Variants in RSPH4A observed in about 807,000 individuals in gnomAD.
The protein encoded by RSPH4A is radial spoke head component 4A.
Under a neutral mutation model 71.0 loss-of-function variants are expected in RSPH4A, and 47 were observed. That is an observed-to-expected ratio of 0.66 (90% CI 0.52 to 0.84). The LOEUF is 0.84. RSPH4A is among the 40% of genes least tolerant of loss of function. The probability of loss-of-function intolerance (pLI) is 0.00; values close to 1 mark genes in which losing one functional copy is unlikely to be tolerated. For missense variants in RSPH4A, 793 were observed against 855.2 expected, an observed-to-expected ratio of 0.93 and a Z score of 0.91; for synonymous variants, 282 against 302.3, an observed-to-expected ratio of 0.93 and a Z score of 0.70.
Position 116,628,364 on chromosome 6 carries a change from T to C in RSPH4A, c.1657T>C (p.Ser553Pro). The stretch of plus-strand genomic sequence containing the variant: ...GGTTCATCATGTACAGCATATTCTC[T>C]CTCAGGTAGGAGCTTTGCACTTCTC... ...NWVHHVQHIL[S>P]QGRCNWFNSI... is the part of the protein sequence containing the mutation. Residue 553 changes from serine to proline, a missense_variant, in exon 3 of 6, where the codon TCT (serine) becomes CCT (proline). Coordinates refer to ENST00000229554, the MANE Select transcript of RSPH4A (RefSeq NM_001010892.3). The C allele has an allele frequency of 6.2e-7, 1 of 1,611,236 alleles. No homozygotes were observed. Among genetic ancestry groups the C allele is most frequent in the Non-Finnish European group, 8.5e-7 (1 of 1,177,954 alleles).
chr6:116,623,081 C>A, intron 2 of RSPH4A, 79 bp downstream of exon 2: 2 of 906,844 alleles, frequency 2.2e-6, no homozygotes, highest in South Asian at 1.4e-5. Flanking sequence ...AAATTCATAC[C>A]AACTGTATTT....
rs1390051551 is a variant in RSPH4A at position 116,629,595 on chromosome 6, A to G, written c.1691A>G (p.Gln564Arg). The G allele has an allele frequency of 2.5e-6, 4 of 1,611,096 alleles. No individual in the cohort carries two copies. In the East Asian group the frequency reaches 8.9e-5, roughly 36 times the overall value. ...CGCTGTAATTGGTTCAACTCCATAC[A>G]AAAAAATGAGGAAGAAGAAGAGGAA... The part of the protein sequence containing the change: ...QGRCNWFNSI[Q>R]KNEEEEEEED... Residue 564 changes from glutamine to arginine, a missense_variant, in exon 4 of 6, where the codon CAA (glutamine) becomes CGA (arginine). Physicochemically the swap from Gln to Arg is conservative, Grantham distance 43. Transcript: ENST00000229554.
chr6:116,632,436 G>T lies in RSPH4A; in HGVS notation c.2146G>T (p.Asp716Tyr). 1 of 1,611,226 alleles carries T rather than the reference G, an allele frequency of 6.2e-7. No homozygotes were observed. Among genetic ancestry groups the T allele is most frequent in the South Asian group, 1.1e-5 (1 of 90,344 alleles). ...AGATGAAGATGAGGAAGATGATTAT[G>T]ACTAATAAACATAAAATTAGCCTGG... ...EEDEDEEDDY[D>Y] is the part of the protein sequence containing the mutation. Residue 716 changes from aspartate (D) to tyrosine (Y), a missense_variant, in exon 6 of 6, where the codon GAC (aspartate) becomes TAC (tyrosine). By Grantham distance (160) the Asp-to-Tyr change is radical. Coordinates refer to ENST00000229554, the MANE Select transcript of RSPH4A (RefSeq NM_001010892.3).
In RSPH4A at chr6:116,632,385, G is replaced by A. The variant is rs372304999; in HGVS notation, c.2095G>A (p.Ala699Thr). ...FRAAQEAVLL[A>T]AENEESEEDE... ...GGCTGCACAAGAAGCAGTTCTACTCGCAGCTGAGAATGAAGAATCTGAGGA... is the reference window on the plus strand; with the variant it reads ...GGCTGCACAAGAAGCAGTTCTACTCACAGCTGAGAATGAAGAATCTGAGGA... The change falls in exon 6 of 6, where the codon GCA (alanine) becomes ACA (threonine). Residue 699 changes from alanine (A) to threonine (T), a missense_variant. Ala to Thr is a moderately conservative substitution (Grantham distance 58, BLOSUM62 0). Coordinates refer to ENST00000229554, the MANE Select transcript of RSPH4A (RefSeq NM_001010892.3). The A allele has an allele frequency of 3.7e-5, 60 of 1,613,798 alleles. No individual in the cohort carries two copies. The highest frequency in any genetic ancestry group is 2.0e-4 in the African/African-American group (15 of 74,870).
At chr6:116,626,620 C>T (rs1048681516) in intron 2 of RSPH4A, among the ~76,000 whole-genome samples, 3 of 152,158 alleles carry the variant, frequency 2.0e-5, no homozygotes, top group African/African-American at 7.2e-5. Flanking sequence ...GGATTACAGG[C>T]GTGAGCCACC....
At position 116,622,878 on chromosome 6, in the gene RSPH4A, A is replaced by C; in HGVS notation, c.797A>C (p.Lys266Thr). ...SQDVKMAHFS[K>T]KFDALQNENE... ...GATGTGAAGATGGCACATTTTAGTA[A>C]AAAATTTGATGCACTACAAAATGAG... The change falls in exon 2 of 6, where the codon AAA (lysine) becomes ACA (threonine). Residue 266 changes from lysine to threonine, a missense_variant. Coordinates refer to ENST00000229554, the MANE Select transcript of RSPH4A (RefSeq NM_001010892.3). 1 of 1,613,420 alleles carries C rather than the reference A, an allele frequency of 6.2e-7. No individual in the cohort carries two copies. The highest frequency in any genetic ancestry group is 8.5e-7 in the Non-Finnish European group (1 of 1,179,388).
chr6:116,629,303 T>C (rs2115363994), intron 3 of RSPH4A, among the ~76,000 whole-genome samples: 1 of 152,368 alleles, frequency 6.6e-6, no homozygotes, highest in South Asian at 2.1e-4. Flanking sequence ...ACTAAGGTTC[T>C]GCTAATTTTA....
At chr6:116,617,717 T>C (rs904811293) in intron 1 of RSPH4A, among the ~76,000 whole-genome samples, 1 of 152,154 alleles carries the variant, frequency 6.6e-6, no homozygotes, top group African/African-American at 2.4e-5. Flanking sequence ...ATTGCTTGCA[T>C]GGCTTTTGAG....
chr6:116,619,658 T>G lies in RSPH4A; in HGVS notation c.686+2349T>G, dbSNP rs1027037454. On this transcript the variant is annotated intron_variant, in intron 1 of 5. Coordinates refer to ENST00000229554, the MANE Select transcript of RSPH4A (RefSeq NM_001010892.3). ...TTTTAAAGTCTAAGGAATAAAAAAA[T>G]TAATGTATGATGTGAGAAATCTCAT... Among the ~76,000 whole-genome samples the G allele has an allele frequency of 9.9e-5, 15 of 152,186 alleles. 1 individual carries two copies. The highest frequency in any genetic ancestry group is 3.6e-4 in the African/African-American group (15 of 41,442).
chr6:116,626,466 C>G (rs1048251883), intron 2 of RSPH4A, among the ~76,000 whole-genome samples: 1 of 152,138 alleles, frequency 6.6e-6, no homozygotes, highest in Admixed American at 6.5e-5. Context: ...CTCAGCCTCC[C>G]GAGTAGCTGG....
At chr6:116,627,260 T>C (rs1321867132) in intron 2 of RSPH4A, among the ~76,000 whole-genome samples, 1 of 152,178 alleles carries the variant, frequency 6.6e-6, no homozygotes, top group Non-Finnish European at 1.5e-5. Flanking sequence ...TGGAATGCAG[T>C]GGTGTGATAG....
chr6:116,619,457 T>C (rs554973829), intron 1 of RSPH4A, among the ~76,000 whole-genome samples: 1 of 152,310 alleles, frequency 6.6e-6, no homozygotes, highest in African/African-American at 2.4e-5. Context: ...ATGAGACTTA[T>C]GAGTCAGAAA....
At chr6:116,619,447 A>G (rs773867060) in intron 1 of RSPH4A, among the ~76,000 whole-genome samples, 34 of 152,210 alleles carry the variant, frequency 2.2e-4, no homozygotes, top group Non-Finnish European at 4.4e-4. Context: ...GAGAAGCGGT[A>G]TGAGACTTAT....
rs1026130463 is a variant in RSPH4A at position 116,622,959 on chromosome 6, A to C, written c.878A>C (p.Gln293Pro). The change falls in exon 2 of 6, where the codon CAG (glutamine) becomes CCG (proline). Residue 293 changes from glutamine (Q) to proline (P), a missense_variant. Transcript: ENST00000229554. ...IAEKQKALFL[Q>P]GHLEGVDQEL... ...GAAAAGCAAAAGGCTCTTTTTCTCC[A>C]GGGACATTTGGAAGGAGTTGACCAA... 3 of 1,613,502 alleles carry C rather than the reference A, an allele frequency of 1.9e-6. No homozygotes were observed. The African/African-American group carries it at 4.0e-5, about 22-fold the overall frequency.
rs1251588983 is a variant in RSPH4A, at chr6:116,629,580, GGT to G, written c.1677_1678del (p.Trp559CysfsTer8). 1 of 1,612,640 alleles carries G rather than the reference GGT, an allele frequency of 6.2e-7. No individual in the cohort carries two copies. Among genetic ancestry groups the G allele is most frequent in the Admixed American group, 1.7e-5 (1 of 60,006 alleles). ...ATTCATTCCCAGGGTCGCTGTAATT[GGT>G]TCAACTCCATACAAAAAAATGAGGA... On this transcript the variant is annotated frameshift_variant, in exon 4 of 6. Transcript: ENST00000229554. LOFTEE classifies it high-confidence loss of function.
chr6:116,617,332 A>G (rs777688513), intron 1 of RSPH4A, 23 bp downstream of exon 1: 16 of 1,584,488 alleles, frequency 1.0e-5, no homozygotes, highest in Admixed American at 1.7e-5. Flanking sequence ...GGGAAAAAAG[A>G]TAAATGTTTG....
intron 5 of RSPH4A, among the ~76,000 whole-genome samples, chr6:116,630,845 G>GTTTTTTTTTTTTTT (rs1285123787): frequency 8.9e-5 from 6 of 67,712 alleles, no homozygotes; most frequent in South Asian, 4.7e-4. Context: ...GCTAATTTTT[G>GTTTTTTTTTTTTTT]TATTTTTTTT....
chr6:116,628,085 A>C lies in RSPH4A; in HGVS notation c.1378A>C (p.Lys460Gln), dbSNP rs1366911279. Residue 460 changes from lysine (K) to glutamine (Q), a missense_variant, in exon 3 of 6, where the codon AAA becomes CAA. Coordinates refer to ENST00000229554, the MANE Select transcript of RSPH4A (RefSeq NM_001010892.3). ...AQIVIARKIK[K>Q]FFTGRLDAPI... ...AATTGTTATTGCAAGAAAAATCAAG[A>C]AATTTTTCACTGGGCGATTGGATGC... The C allele has an allele frequency of 2.5e-6, 4 of 1,614,196 alleles. No homozygotes were observed. Among genetic ancestry groups the C allele is most frequent in the East Asian group, 2.2e-5 (1 of 44,890 alleles).
chr6:116,631,805 A>G (rs1004356955), intron 5 of RSPH4A, among the ~76,000 whole-genome samples: 2 of 152,188 alleles, frequency 1.3e-5, no homozygotes, highest in African/African-American at 4.8e-5. Context: ...AGTAACACAT[A>G]GGTTTCTAAC....
Sources: allele counts gnomAD v4.1 joint callset (sites outside exome capture counted in the v4.1 genomes callset), GRCh38; gene constraint gnomAD v4.1.1; transcripts MANE v1.5; gene names NCBI Gene and HGNC (gene_info 2026-07-23, HGNC 2026-07-21).